Variants in PCDHGA5 observed in about 807,000 individuals in gnomAD.
PCDHGA5 encodes the protein protocadherin gamma subfamily A, 5, also known as protocadherin gamma-A5.
In PCDHGA5, 36 loss-of-function variants were observed where a neutral mutation model predicts 56.7. That is an observed-to-expected ratio of 0.64 (90% confidence interval 0.49 to 0.84). The LOEUF is 0.84. Ranked by LOEUF, PCDHGA5 falls within the 40% of genes least tolerant of loss-of-function variation. The pLI is 0.00. For synonymous variants in PCDHGA5, 563 were observed against 520.2 expected, an observed-to-expected ratio of 1.08 and a Z score of -1.12; for missense variants, 1,305 against 1,201.5, an observed-to-expected ratio of 1.09 and a Z score of -1.27.
At chr5:141,390,432 C>A in intron 1 of PCDHGA5, 2 of 985,350 alleles carry the variant, frequency 2.0e-6, no homozygotes, top group Admixed American at 2.8e-5. Context: ...GCTGTCATAT[C>A]ATTCTACAAA....
At chr5:141,379,815 T>C (rs1489145506) in intron 1 of PCDHGA5, among the ~76,000 whole-genome samples, 2 of 150,388 alleles carry the variant, frequency 1.3e-5, no homozygotes, top group South Asian at 2.1e-4. Context: ...GAGTTCAGTA[T>C]AGAATTTTGA....
chr5:141,417,754 C>A, intron 1 of PCDHGA5: 2 of 1,431,302 alleles, frequency 1.4e-6, no homozygotes, highest in Non-Finnish European at 1.8e-6. Flanking sequence ...TTGCCAGCTC[C>A]GAGACCCGGG....
chr5:141,371,937 T>C, intron 1 of PCDHGA5: 1 of 1,613,290 alleles, frequency 6.2e-7, no homozygotes. Flanking sequence ...CGGGGTGGTG[T>C]TCGCGCAGCG....
Position 141,394,937 on chromosome 5 carries a change from C to T in PCDHGA5, c.2421+28186C>T, listed in dbSNP as rs1224179687. 4.3e-6 allele frequency: 7 copies of T among 1,613,688 alleles called. No individual in the cohort carries two copies. In the East Asian group the frequency reaches 8.9e-5, roughly 21 times the overall value. ...TCTCCTGTGTCTTCCTCGCCTTTGT[C>T]GCTGTGCTTCTGGGGCTCAGGCTGA... On this transcript the variant is annotated intron_variant, in intron 1 of 3. Transcript: ENST00000518069.
rs750129951 is a variant in PCDHGA5 at position 141,375,757 on chromosome 5, T to C, written c.2421+9006T>C. The C allele has an allele frequency of 6.1e-5, 99 of 1,614,196 alleles. 1 individual carries two copies. The South Asian group carries it at 8.5e-4, about 14-fold the overall frequency. On this transcript the variant is annotated intron_variant, in intron 1 of 3. Coordinates refer to ENST00000518069, the MANE Select transcript of PCDHGA5 (RefSeq NM_018918.3). Reference sequence around the variant, plus strand: ...TGTTTGTGCTGGACCAGAATGACAATGCGCCCGAGATCCTGTACCCCGCCC... The same window carrying C: ...TGTTTGTGCTGGACCAGAATGACAACGCGCCCGAGATCCTGTACCCCGCCC...
At position 141,414,543 on chromosome 5, in the gene PCDHGA5, C is replaced by T. The variant is rs369387885; in HGVS notation, c.2421+47792C>T. The T allele has an allele frequency of 5.0e-6, 8 of 1,613,880 alleles. No individual in the cohort carries two copies. The African/African-American group carries it at 1.1e-4, about 22-fold the overall frequency. ...ATATCAATGACAACCCACCTACCTT[C>T]TCTCAAGTCTCCTACTTTACCTATA... On this transcript the variant is annotated intron_variant, in intron 1 of 3. Transcript: ENST00000518069.
intron 1 of PCDHGA5, among the ~76,000 whole-genome samples, chr5:141,458,445 T>G (rs180720013): frequency 6.6e-6 from 1 of 151,738 alleles, no homozygotes; most frequent in East Asian, 1.9e-4. Flanking sequence ...TCCCCCACAT[T>G]AACAATTTTT....
At chr5:141,371,684 A>T (rs756152313) in intron 1 of PCDHGA5, 3 of 1,614,050 alleles carry the variant, frequency 1.9e-6, no homozygotes, top group Non-Finnish European at 1.7e-6. Flanking sequence ...AAGGCAATCC[A>T]CCGCTCTCCT....
intron 1 of PCDHGA5, among the ~76,000 whole-genome samples, chr5:141,459,880 C>G (rs1240703946): frequency 6.6e-6 from 1 of 152,134 alleles, no homozygotes; most frequent in Non-Finnish European, 1.5e-5. Context: ...TTTAACTGAG[C>G]TGAACGCCTT....
At chr5:141,464,978 GT>G in intron 1 of PCDHGA5, among the ~76,000 whole-genome samples, 1 of 152,148 alleles carries the variant, frequency 6.6e-6, no homozygotes, top group East Asian at 1.9e-4. Context: ...CTGGCTTCAA[GT>G]GATCCTCCCA....
intron 1 of PCDHGA5, chr5:141,478,247 G>A (rs1377698933): frequency 1.2e-6 from 2 of 1,614,074 alleles, no homozygotes; most frequent in Admixed American, 3.3e-5. Context: ...CACAGTGTTC[G>A]GAGTAATCAT....
chr5:141,394,435 C>T, intron 1 of PCDHGA5: 1 of 1,614,246 alleles, frequency 6.2e-7, no homozygotes, highest in Non-Finnish European at 8.5e-7. Flanking sequence ...GGGGACCCGC[C>T]CCTCAGCAGC....
chr5:141,422,030 C>G, intron 1 of PCDHGA5: 1 of 1,609,592 alleles, frequency 6.2e-7, no homozygotes, highest in African/African-American at 1.3e-5. Flanking sequence ...GTTAATGCAA[C>G]GGATCCAGAC....
intron 1 of PCDHGA5, chr5:141,408,797 C>A (rs965305130): frequency 6.2e-7 from 1 of 1,612,958 alleles, no homozygotes; most frequent in African/African-American, 1.3e-5. Context: ...TCTGGAGAAA[C>A]TCCTAGACCG....
intron 1 of PCDHGA5, chr5:141,399,459 C>A (rs897098728): frequency 6.2e-7 from 1 of 1,614,012 alleles, no homozygotes; most frequent in African/African-American, 1.3e-5. Flanking sequence ...TCAACGATAA[C>A]GCTCCGGTTT....
Position 141,432,057 on chromosome 5 carries a change from C to G in PCDHGA5, c.2422-62750C>G. On this transcript the variant is annotated intron_variant, in intron 1 of 3. Coordinates refer to ENST00000518069, the MANE Select transcript of PCDHGA5 (RefSeq NM_018918.3). This position sits in a 1 kb window ranked among gnomAD's most constrained non-coding sequence, Gnocchi z 6.0. The stretch of plus-strand genomic sequence containing the variant: ...ACTGACCGGGGAACCCCGCCCCTAT[C>G]CACGGAAACTCATATCTCGCTGAAC... 1 of 1,614,220 alleles carries G rather than the reference C, an allele frequency of 6.2e-7. No homozygotes were observed. The highest frequency in any genetic ancestry group is 8.5e-7 in the Non-Finnish European group (1 of 1,180,042).
intron 2 of PCDHGA5, among the ~76,000 whole-genome samples, chr5:141,503,963 C>T (rs900066192): frequency 7.2e-5 from 11 of 152,188 alleles, no homozygotes; most frequent in Admixed American, 6.5e-4. Flanking sequence ...ACAGCCTTTC[C>T]CATGGTGCCA....
At position 141,486,622 on chromosome 5, in the gene PCDHGA5, C is replaced by T. The variant is rs1320329216; in HGVS notation, c.2422-8185C>T. On this transcript the variant is annotated intron_variant, in intron 1 of 3. Coordinates refer to ENST00000518069, the MANE Select transcript of PCDHGA5 (RefSeq NM_018918.3). The surrounding 1 kb of genome is among the most constrained non-coding windows in gnomAD (Gnocchi z 5.0). ...GCTCCCTTGCAGCCTCTGACCCAGACTCTGGCTTGAATGCGCTTATCTCCT... is the reference window on the plus strand; with the variant it reads ...GCTCCCTTGCAGCCTCTGACCCAGATTCTGGCTTGAATGCGCTTATCTCCT... 6.2e-7 allele frequency: 1 copy of T among 1,613,574 alleles called. No individual in the cohort carries two copies. The highest frequency in any genetic ancestry group is 8.5e-7 in the Non-Finnish European group (1 of 1,180,042).
Position 141,366,304 on chromosome 5 carries a change from C to T in PCDHGA5, c.1974C>T (p.Phe658=), listed in dbSNP as rs373044204. Residue 658 remains phenylalanine (F), a synonymous_variant, in exon 1 of 4, where the codon TTC becomes TTT. Coordinates refer to ENST00000518069, the MANE Select transcript of PCDHGA5 (RefSeq NM_018918.3). ...DHGQPPLSAT[F]TVTVAVADRI... is the part of the protein sequence containing the mutation. The stretch of plus-strand genomic sequence containing the variant: ...GCCAGCCCCCTCTGTCAGCCACCTT[C>T]ACGGTCACCGTTGCCGTGGCCGACA... 4.3e-5 allele frequency: 70 copies of T among 1,613,786 alleles called. No individual in the cohort carries two copies. The African/African-American group carries it at 9.1e-4, about 21-fold the overall frequency.
Sources: gnomAD v4.1 joint callset for allele counts (sites outside exome capture counted in the v4.1 genomes callset) on GRCh38, gnomAD v4.1.1 for gene constraint, Gnocchi (gnomAD v3.1) non-coding constraint, MANE v1.5 for transcripts, NCBI Gene and HGNC (gene_info 2026-07-23, HGNC 2026-07-21) for gene names.